The following SAMSN1 variants were observed in gnomAD, a reference collection of about 807,000 sequenced individuals.
SAMSN1 encodes the protein SAM domain, SH3 domain and nuclear localization signals 1.
Under a neutral mutation model 42.0 loss-of-function variants are expected in SAMSN1, and 31 were observed. That is an observed-to-expected ratio of 0.74 (90% CI 0.55 to 1.00). SAMSN1 has a LOEUF of 1.00. Ranked by LOEUF, SAMSN1 falls within the 50% of genes least tolerant of loss-of-function variation. SAMSN1 has a pLI of 0.00. For missense variants in SAMSN1, 464 were observed against 439.4 expected, an observed-to-expected ratio of 1.06 and a Z score of -0.50; for synonymous variants, 178 against 151.9, an observed-to-expected ratio of 1.17 and a Z score of -1.26.
chr21:14,625,987 C>A (rs1194508166), intron 2 of SAMSN1, among the ~76,000 whole-genome samples: 1 of 152,110 alleles, frequency 6.6e-6, no homozygotes, highest in African/African-American at 2.4e-5. Flanking sequence ...CATCTACAAT[C>A]AACTGATCTT....
chr21:14,561,201 G>A (rs1003193284), intron 2 of SAMSN1, among the ~76,000 whole-genome samples: 9 of 151,820 alleles, frequency 5.9e-5, no homozygotes, highest in Admixed American at 4.6e-4. Flanking sequence ...CTCATCCAGA[G>A]GCAGACTCAG....
At chr21:14,565,080 A>G (rs1431140506) in intron 2 of SAMSN1, among the ~76,000 whole-genome samples, 3 of 152,022 alleles carry the variant, frequency 2.0e-5, no homozygotes, top group Non-Finnish European at 2.9e-5. Context: ...GGATCACTTG[A>G]GGTGAGGAGT....
intron 4 of SAMSN1, 42 bp downstream of exon 4, chr21:14,512,402 G>A (rs2122988275): frequency 1.2e-6 from 2 of 1,603,584 alleles, no homozygotes; most frequent in Non-Finnish European, 8.5e-7. Context: ...ATTTAACCCA[G>A]ACCTCACACC....
intron 7 of SAMSN1, among the ~76,000 whole-genome samples, chr21:14,493,482 A>T (rs1986778574): frequency 6.6e-6 from 1 of 152,036 alleles, no homozygotes. Context: ...TAAAGACAAG[A>T]TGTTTACTAT....
At chr21:14,590,560 G>A (rs937406431) in intron 7 of SAMSN1, among the ~76,000 whole-genome samples, 1 of 151,198 alleles carries the variant, frequency 6.6e-6, no homozygotes, top group Non-Finnish European at 1.5e-5. Context: ...TGGAATTACA[G>A]GCGTGAGCCA....
At chr21:14,622,814 A>G (rs1476805214) in intron 2 of SAMSN1, among the ~76,000 whole-genome samples, 1 of 152,186 alleles carries the variant, frequency 6.6e-6, no homozygotes, top group African/African-American at 2.4e-5. Flanking sequence ...AAGACACATA[A>G]TTGTCAGATT....
intron 1 of SAMSN1, among the ~76,000 whole-genome samples, chr21:14,527,760 T>TAAAAAAA (rs71183427): frequency 3.7e-5 from 4 of 107,848 alleles, no homozygotes; most frequent in Non-Finnish European, 5.4e-5. Context: ...AAACTAGAAC[T>TAAAAAAA]AAAAAAAAAA....
chr21:14,498,668 A>C lies in SAMSN1; in HGVS notation c.769-76T>G, dbSNP rs1257654320. On this transcript the variant is annotated intron_variant, in intron 6 of 7. Transcript: ENST00000400566. Reference sequence around the variant, plus strand: ...TTTAGTTCTCTTTAGATTTAAAGAAAGTATAGAGATGCACATGGGGACCAA... The same window carrying C: ...TTTAGTTCTCTTTAGATTTAAAGAACGTATAGAGATGCACATGGGGACCAA... 4.9e-6 allele frequency: 6 copies of C among 1,237,110 alleles called. No individual in the cohort carries two copies. In the East Asian group the frequency reaches 1.3e-4, roughly 27 times the overall value. 76.6% of individuals were successfully genotyped at this position (1,237,110 alleles called of 1,614,324 possible). A position where few individuals can be genotyped will look rare whatever the true frequency, so the allele number is the denominator to read the frequency against.
chr21:14,598,593 G>A (rs1331997058), intron 6 of SAMSN1, among the ~76,000 whole-genome samples: 1 of 152,186 alleles, frequency 6.6e-6, no homozygotes, highest in Non-Finnish European at 1.5e-5. Context: ...GTGGGGCAAA[G>A]TGGGTACTGG....
intron 2 of SAMSN1, among the ~76,000 whole-genome samples, chr21:14,564,152 T>G (rs780924209): frequency 1.3e-5 from 2 of 152,152 alleles, no homozygotes; most frequent in African/African-American, 4.8e-5. Flanking sequence ...ACCCATGCAA[T>G]TGATTTCAAA....
chr21:14,541,495 T>C (rs1195239635), intron 1 of SAMSN1, among the ~76,000 whole-genome samples: 1 of 152,118 alleles, frequency 6.6e-6, no homozygotes, highest in Non-Finnish European at 1.5e-5. Flanking sequence ...TATTATGAGA[T>C]TTGTTTGTGA....
intron 5 of SAMSN1, among the ~76,000 whole-genome samples, chr21:14,603,581 A>T (rs947276224): frequency 2.6e-5 from 4 of 152,208 alleles, no homozygotes; most frequent in Non-Finnish European, 5.9e-5. Flanking sequence ...TGTTTAATTA[A>T]GTGTAGAGAT....
At chr21:14,586,279 G>C (rs394523), upstream of SAMSN1, among the ~76,000 whole-genome samples, 1 of 126,352 alleles carries the variant, frequency 7.9e-6, no homozygotes, top group African/African-American at 3.1e-5. Context: ...AAAAAAAAAA[G>C]AAAAAGAAAA....
intron 5 of SAMSN1, among the ~76,000 whole-genome samples, chr21:14,608,846 A>G (rs557389444): frequency 1.3e-5 from 2 of 152,302 alleles, no homozygotes; most frequent in East Asian, 3.9e-4. Flanking sequence ...TTCTCATTCC[A>G]ATAACACTTG....
At chr21:14,553,887 A>G (rs528980525) in intron 2 of SAMSN1, among the ~76,000 whole-genome samples, 7 of 151,920 alleles carry the variant, frequency 4.6e-5, no homozygotes, top group African/African-American at 1.7e-4. Flanking sequence ...ATGTGTGTTG[A>G]TATGGGTTAT....
At chr21:14,652,436 G>A (rs1983851167) in intron 1 of SAMSN1, among the ~76,000 whole-genome samples, 1 of 151,848 alleles carries the variant, frequency 6.6e-6, no homozygotes, top group Non-Finnish European at 1.5e-5. Flanking sequence ...ACACACACTG[G>A]GGAAAAGACA....
At chr21:14,499,392 C>T (rs1476398320) in intron 6 of SAMSN1, among the ~76,000 whole-genome samples, 1 of 150,904 alleles carries the variant, frequency 6.6e-6, no homozygotes, top group Non-Finnish European at 1.5e-5. Flanking sequence ...ATTTTACTTG[C>T]TCTAATTTCA....
At chr21:14,530,981 T>A (rs564818345) in intron 1 of SAMSN1, among the ~76,000 whole-genome samples, 1 of 152,098 alleles carries the variant, frequency 6.6e-6, no homozygotes, top group Non-Finnish European at 1.5e-5. Flanking sequence ...ATTTTTCTAT[T>A]TATTATAGAA....
chr21:14,557,997 G>T (rs938298346), intron 2 of SAMSN1, among the ~76,000 whole-genome samples: 3 of 152,184 alleles, frequency 2.0e-5, no homozygotes, highest in Non-Finnish European at 4.4e-5. Flanking sequence ...GATGGCATGA[G>T]CCTTCATGTC....
Sources: allele counts gnomAD v4.1 joint callset (sites outside exome capture counted in the v4.1 genomes callset), GRCh38; gene constraint gnomAD v4.1.1; transcripts MANE v1.5; gene names NCBI Gene and HGNC (gene_info 2026-07-23, HGNC 2026-07-21).